Variants in UBR2 observed in about 807,000 individuals in gnomAD.
UBR2 encodes the protein E3 ubiquitin-protein ligase UBR2.
In UBR2, 92 loss-of-function variants were observed where a neutral mutation model predicts 247.9. That is an observed-to-expected ratio of 0.37 (90% CI 0.31 to 0.44). The LOEUF (loss-of-function observed/expected upper bound fraction) is 0.44, where lower values mean the gene tolerates loss of function less well. UBR2 is among the 20% of genes least tolerant of loss of function. The pLI, the probability that UBR2 is intolerant of heterozygous loss-of-function variation, is 1.00. For missense variants in UBR2, 1,613 were observed against 2,112.6 expected (o/e 0.76, Z 4.64); for synonymous variants, 672 against 693.5 (o/e 0.97, Z 0.49).
chr6:42,670,563 T>C, intron 35 of UBR2, 97 bp from the exon 36 acceptor site: 1 of 851,420 alleles, frequency 1.2e-6, no homozygotes, highest in Non-Finnish European at 1.8e-6. Context: ...AATATTGTAC[T>C]TTCTGTAGGA....
At chr6:42,610,773 C>T (rs1794014124) in intron 7 of UBR2, among the ~76,000 whole-genome samples, 1 of 151,504 alleles carries the variant, frequency 6.6e-6, no homozygotes, top group Non-Finnish European at 1.5e-5. Flanking sequence ...AGTTTCACAA[C>T]AGTATGAATG....
chr6:42,583,023 T>C (rs1230845342), intron 2 of UBR2, among the ~76,000 whole-genome samples: 2 of 152,178 alleles, frequency 1.3e-5, no homozygotes, highest in Non-Finnish European at 2.9e-5. Flanking sequence ...ATTATCTTTA[T>C]TCACTTTTGG....
chr6:42,627,010 AAG>A (rs1239399762), intron 11 of UBR2, among the ~76,000 whole-genome samples: 1 of 152,182 alleles, frequency 6.6e-6, no homozygotes, highest in African/African-American at 2.4e-5. Flanking sequence ...GCAATAGAGA[AAG>A]AGTTTAGTAC....
Position 42,676,185 on chromosome 6 carries a change from T to A in UBR2, c.4381T>A (p.Cys1461Ser), listed in dbSNP as rs772522268. The A allele has an allele frequency of 4.4e-6, 7 of 1,590,910 alleles. No homozygotes were observed. The highest frequency in any genetic ancestry group is 2.7e-5 in the African/African-American group (2 of 73,722). ...CATCATACAGATCTTACTTACCTCA[T>A]GTACAGGTAACTCTTGCCTTTTTGT... ...AHIIQILLTS[C>S]TEENGMDQEN... Residue 1461 changes from cysteine to serine, a missense_variant, in exon 39 of 47, where the codon TGT becomes AGT. Transcript: ENST00000372901.
chr6:42,600,111 A>G (rs574986158), intron 4 of UBR2, among the ~76,000 whole-genome samples: 15 of 152,284 alleles, frequency 9.9e-5, no homozygotes, highest in Admixed American at 3.3e-4. Context: ...TCATACCTAC[A>G]TTGCATATGA....
intron 43 of UBR2, among the ~76,000 whole-genome samples, chr6:42,683,945 C>T (rs1185359340): frequency 8.5e-5 from 13 of 152,142 alleles, no homozygotes; most frequent in Admixed American, 8.5e-4. Flanking sequence ...AATACATCGT[C>T]CATAAAAGTC....
At chr6:42,646,665 C>A (rs1236944414) in intron 21 of UBR2, among the ~76,000 whole-genome samples, 4 of 151,924 alleles carry the variant, frequency 2.6e-5, no homozygotes, top group African/African-American at 9.7e-5. Context: ...CCTACAATAC[C>A]CAGGACAACC....
In UBR2 at chr6:42,612,820, G is replaced by A. The variant is rs139197670; in HGVS notation, c.985+529G>A. Among the ~76,000 whole-genome samples, 226 of 152,222 alleles carry A rather than the reference G, an allele frequency of 1.5e-3. 2 individuals carry two copies. The highest frequency in any genetic ancestry group is 4.7e-3 in the African/African-American group (195 of 41,542). On this transcript the variant is annotated intron_variant, in intron 8 of 46. Transcript: ENST00000372901. ...AATTTGCGTTTTTAAAAAATTTTTG[G>A]CCAGGTGCCATGGCTCATGCCTGTA...
intron 8 of UBR2, among the ~76,000 whole-genome samples, chr6:42,614,403 C>T (rs28531384): frequency 4.8e-5 from 3 of 62,530 alleles, no homozygotes; most frequent in East Asian, 7.4e-4. Flanking sequence ...TACATACATA[C>T]GTATGTATGT....
intron 4 of UBR2, 31 bp from the exon 5 acceptor site, chr6:42,603,551 TTTTTTC>T: frequency 1.3e-6 from 2 of 1,509,886 alleles, no homozygotes; most frequent in Non-Finnish European, 1.8e-6. Context: ...TGATTGCCCT[TTTTTTC>T]TTTTTCTTTT....
intron 7 of UBR2, among the ~76,000 whole-genome samples, chr6:42,610,782 T>C (rs1035979740): frequency 6.6e-6 from 1 of 152,064 alleles, no homozygotes; most frequent in Non-Finnish European, 1.5e-5. Flanking sequence ...ACAGTATGAA[T>C]GTACTTAACA....
At chr6:42,605,895 TTTTACTATAGGTAA>T (rs1793666440) in intron 6 of UBR2, 36 bp downstream of exon 6, 2 of 1,565,722 alleles carry the variant, frequency 1.3e-6, no homozygotes, top group Non-Finnish European at 8.7e-7. Flanking sequence ...TAAATTGAAT[TTTTACTATAGGTAA>T]GTTACTATAG....
At chr6:42,642,544 T>A in intron 18 of UBR2, 63 bp downstream of exon 18, 1 of 1,387,464 alleles carries the variant, frequency 7.2e-7, no homozygotes, top group Non-Finnish European at 1.0e-6. Flanking sequence ...GTTATTTCCA[T>A]AGAATTCAGT....
Position 42,645,550 on chromosome 6 carries a change from C to G in UBR2, c.2369C>G (p.Pro790Arg). The change falls in exon 21 of 47, where the codon CCT (proline) becomes CGT (arginine). Residue 790 changes from proline to arginine, a missense_variant. Pro to Arg is a moderately radical substitution (Grantham distance 103). Coordinates refer to ENST00000372901, the MANE Select transcript of UBR2 (RefSeq NM_001363705.2). Reference sequence around the variant, plus strand: ...ATTATCCATCAGTTGAGTATCAAGCCTATGGCTCATAGTGAATTGGTAAAG... The same window carrying G: ...ATTATCCATCAGTTGAGTATCAAGCGTATGGCTCATAGTGAATTGGTAAAG... ...REIIHQLSIK[P>R]MAHSELVKSL... 6.2e-7 allele frequency: 1 copy of G among 1,613,770 alleles called. No individual in the cohort carries two copies. The highest frequency in any genetic ancestry group is 8.5e-7 in the Non-Finnish European group (1 of 1,179,854).
intron 4 of UBR2, among the ~76,000 whole-genome samples, chr6:42,597,775 G>T (rs986294109): frequency 1.3e-5 from 2 of 151,962 alleles, no homozygotes; most frequent in African/African-American, 4.8e-5. Flanking sequence ...AATTAGCCGG[G>T]CGTGGTGGCA....
intron 36 of UBR2, among the ~76,000 whole-genome samples, chr6:42,672,070 T>C (rs1041337900): frequency 2.6e-5 from 4 of 152,076 alleles, no homozygotes; most frequent in Non-Finnish European, 5.9e-5. Flanking sequence ...TCTCACTCTG[T>C]TGCTCAGACT....
chr6:42,593,106 G>A (rs1050781530), intron 3 of UBR2, among the ~76,000 whole-genome samples: 9 of 151,978 alleles, frequency 5.9e-5, no homozygotes, highest in African/African-American at 1.7e-4. Context: ...CCTGGGAGGC[G>A]GAGGTTGCAG....
At chr6:42,640,967 G>T (rs1008955151) in intron 16 of UBR2, among the ~76,000 whole-genome samples, 1 of 151,714 alleles carries the variant, frequency 6.6e-6, no homozygotes, top group Non-Finnish European at 1.5e-5. Context: ...GATCTCAGGT[G>T]ATCCACCTGC....
At chr6:42,684,516 G>A (rs896683234) in intron 43 of UBR2, among the ~76,000 whole-genome samples, 4 of 151,604 alleles carry the variant, frequency 2.6e-5, no homozygotes, top group African/African-American at 9.7e-5. Context: ...CCCGGGAGGC[G>A]GAGGTTGCAG....
Sources: gnomAD v4.1 joint callset for allele counts (sites outside exome capture counted in the v4.1 genomes callset) on GRCh38, gnomAD v4.1.1 for gene constraint, MANE v1.5 for transcripts, NCBI Gene and HGNC (gene_info 2026-07-23, HGNC 2026-07-21) for gene names.